FSD1L: variants seen among roughly 807,000 people sequenced by gnomAD.
The protein encoded by FSD1L is fibronectin type III and SPRY domain containing 1 like.
A neutral mutation model predicts 71.6 loss-of-function variants in FSD1L; 45 were observed. The ratio of observed to expected loss-of-function variants is 0.63; its 90% CI spans 0.49 to 0.81. FSD1L has a LOEUF of 0.81. FSD1L is among the 30% of genes least tolerant of loss of function. The pLI is 0.00. For synonymous variants in FSD1L, 197 were observed against 207.2 expected (o/e 0.95, Z 0.42); for missense variants, 561 against 618.1 (o/e 0.91, Z 0.98).
intron 12 of FSD1L, among the ~76,000 whole-genome samples, chr9:105,536,144 T>C: frequency 6.6e-6 from 1 of 152,238 alleles, no homozygotes; most frequent in East Asian, 1.9e-4. Context: ...TGAAGAACTT[T>C]TAATGTGAAG....
intron 10 of FSD1L, chr9:105,524,958 C>A: frequency 6.2e-7 from 1 of 1,613,488 alleles, no homozygotes; most frequent in Non-Finnish European, 8.5e-7. Context: ...ACCTTAGTGT[C>A]CTGTATCCAG....
At chr9:105,484,664 A>G (rs1357664306) in intron 7 of FSD1L, among the ~76,000 whole-genome samples, 162 bp downstream of exon 7, 2 of 150,772 alleles carry the variant, frequency 1.3e-5, no homozygotes, top group African/African-American at 4.9e-5. Flanking sequence ...TTTTATTTTT[A>G]GAGATTTTAT....
intron 5 of FSD1L, among the ~76,000 whole-genome samples, chr9:105,477,634 A>G (rs1317126495): frequency 6.6e-6 from 1 of 152,242 alleles, no homozygotes; most frequent in Non-Finnish European, 1.5e-5. Flanking sequence ...CATATCAGGT[A>G]CAGAGAAGAG....
At chr9:105,477,936 T>A (rs1178406704) in intron 5 of FSD1L, among the ~76,000 whole-genome samples, 4 of 152,210 alleles carry the variant, frequency 2.6e-5, no homozygotes, top group Non-Finnish European at 5.9e-5. Flanking sequence ...TATAATATGC[T>A]GATCTCTTAA....
At chr9:105,516,243 A>G (rs1039706133) in intron 10 of FSD1L, among the ~76,000 whole-genome samples, 4 of 152,128 alleles carry the variant, frequency 2.6e-5, no homozygotes, top group Non-Finnish European at 5.9e-5. Flanking sequence ...CCCCTGGGGG[A>G]AGGGGCAACT....
At chr9:105,523,029 A>C (rs1835281389) in intron 10 of FSD1L, 18 of 1,613,800 alleles carry the variant, frequency 1.1e-5, no homozygotes, top group Middle Eastern at 1.6e-4. Context: ...AAAATTTGAC[A>C]ATTTTGGCTT....
chr9:105,447,324 C>CAAAAA (rs35514046), upstream of FSD1L, among the ~76,000 whole-genome samples: 32 of 61,546 alleles, frequency 5.2e-4, no homozygotes, highest in African/African-American at 1.6e-3. Context: ...ACTCCATCTC[C>CAAAAA]AAAAAAAAAA....
rs887344947 is a variant in FSD1L, at chr9:105,492,286, A to T, written c.586+7784A>T. On this transcript the variant is annotated intron_variant, in intron 7 of 13. Transcript: ENST00000481272. ...TCTATATTTTCCAGTTTATTTGCGTAGAGGTGTTTGTAGTATTCTCTGATG... is the reference window on the plus strand; with the variant it reads ...TCTATATTTTCCAGTTTATTTGCGTTGAGGTGTTTGTAGTATTCTCTGATG... Among the ~76,000 whole-genome samples the T allele has an allele frequency of 6.2e-4, 94 of 152,126 alleles. 3 individuals are homozygous for T. The highest frequency in any genetic ancestry group is 1.5e-4 in the Non-Finnish European group (10 of 68,040).
At chr9:105,495,199 C>T (rs1819402706) in intron 7 of FSD1L, among the ~76,000 whole-genome samples, 1 of 152,216 alleles carries the variant, frequency 6.6e-6, no homozygotes, top group African/African-American at 2.4e-5. Flanking sequence ...CAAGCCTGGG[C>T]AATGGCGGGT....
Position 105,518,877 on chromosome 9 carries a change from G to GTT in FSD1L, c.1025+5946_1025+5947dup, listed in dbSNP as rs574128087. Among the ~76,000 whole-genome samples, 314 of 152,254 alleles carry GTT rather than the reference G, an allele frequency of 2.1e-3. 1 individual carries two copies. The highest frequency in any genetic ancestry group is 7.0e-3 in the African/African-American group (291 of 41,544). Reference sequence around the variant, plus strand: ...AAAAAATCAGTGAATCCAGGAGCTGGTTTTTTGAAAAGATCAACAAAATAG... The same window carrying GTT: ...AAAAAATCAGTGAATCCAGGAGCTGGTTTTTTTTGAAAAGATCAACAAAATAG... On this transcript the variant is annotated intron_variant, in intron 10 of 13. Coordinates refer to ENST00000481272, the MANE Select transcript of FSD1L (RefSeq NM_001145313.3).
At chr9:105,443,268 G>A (rs1036559416), upstream of FSD1L, among the ~76,000 whole-genome samples, 2 of 152,226 alleles carry the variant, frequency 1.3e-5, no homozygotes, top group African/African-American at 2.4e-5. Context: ...GGCTGCAGAG[G>A]CCTCACAATC....
At chr9:105,479,971 G>C (rs191216255) in intron 6 of FSD1L, among the ~76,000 whole-genome samples, 60 of 152,296 alleles carry the variant, frequency 3.9e-4, no homozygotes, top group African/African-American at 1.4e-3. Context: ...GTAGAGCCAG[G>C]CTTAAGAAAA....
chr9:105,507,539 G>A lies in FSD1L; in HGVS notation c.796+931G>A, dbSNP rs147198910. Among the ~76,000 whole-genome samples the A allele has an allele frequency of 9.3e-3, 1,421 of 152,182 alleles. 20 individuals are homozygous for A. Among genetic ancestry groups the A allele is most frequent in the African/African-American group, 0.032 (1,339 of 41,516 alleles). ...TGTTCTACAGCTAGAAAACAGGCTC[G>A]GTCAAGTTGTTGACGGTCCCATAGC... On this transcript the variant is annotated intron_variant, in intron 8 of 13. Coordinates refer to ENST00000481272, the MANE Select transcript of FSD1L (RefSeq NM_001145313.3).
At chr9:105,497,855 G>T (rs556369974) in intron 7 of FSD1L, among the ~76,000 whole-genome samples, 2 of 151,792 alleles carry the variant, frequency 1.3e-5, no homozygotes, top group South Asian at 4.2e-4. Flanking sequence ...TTGTTTGTTT[G>T]TTTTTAGAGA....
At chr9:105,523,783 A>G (rs1835333339) in intron 10 of FSD1L, 1 of 1,598,046 alleles carries the variant, frequency 6.3e-7, no homozygotes, top group Non-Finnish European at 8.6e-7. Context: ...AATATAATGC[A>G]TTGTGGATTA....
At chr9:105,474,200 G>A (rs144391914) in intron 5 of FSD1L, among the ~76,000 whole-genome samples, 12 of 152,282 alleles carry the variant, frequency 7.9e-5, no homozygotes, top group African/African-American at 2.9e-4. Context: ...GCAAACCTGT[G>A]TAGCATGTTA....
chr9:105,503,629 A>G (rs567991784), intron 7 of FSD1L, among the ~76,000 whole-genome samples: 25 of 152,334 alleles, frequency 1.6e-4, no homozygotes, highest in African/African-American at 5.3e-4. Context: ...TTATGGAAGT[A>G]TGTAGGTAGA....
chr9:105,533,416 C>CTTTTTTTTTTTCTTTTTTTTTTTTTT, intron 10 of FSD1L, among the ~76,000 whole-genome samples: 1 of 29,070 alleles, frequency 3.4e-5, no homozygotes, highest in Non-Finnish European at 6.0e-5. Context: ...CCATTTCCAT[C>CTTTTTTTTTTTCTTTTTTTTTTTTTT]TTTTTTTTTT....
chr9:105,494,956 C>T (rs942392717), intron 7 of FSD1L, among the ~76,000 whole-genome samples: 10 of 152,296 alleles, frequency 6.6e-5, no homozygotes, highest in South Asian at 4.1e-4. Context: ...TCAGGGGTCA[C>T]GGACCCACTT....
Sources: allele counts gnomAD v4.1 joint callset (sites outside exome capture counted in the v4.1 genomes callset), GRCh38; gene constraint gnomAD v4.1.1; transcripts MANE v1.5; gene names NCBI Gene and HGNC (gene_info 2026-07-23, HGNC 2026-07-21).